Variants in NR4A2 observed in about 807,000 individuals in gnomAD.
NR4A2 encodes nuclear receptor subfamily 4 group A member 2, also known as NGFI-B/nur77 beta-type transcription factor homolog.
Under a neutral mutation model 50.5 loss-of-function variants are expected in NR4A2, and 1 was observed. The observed-to-expected ratio is 0.02, with a 90% CI of 0.01 to 0.09. NR4A2 has a LOEUF of 0.09. NR4A2 is among the 10% of genes least tolerant of loss of function. The probability of loss-of-function intolerance (pLI) is 1.00; values close to 1 mark genes in which losing one functional copy is unlikely to be tolerated. For synonymous variants in NR4A2, 328 were observed against 309.4 expected (o/e 1.06, Z -0.63); for missense variants, 613 against 777.3 (o/e 0.79, Z 2.51).
rs759838205 is a variant in NR4A2, at chr2:156,326,859, T to C, written c.1220A>G (p.Tyr407Cys). The change falls in exon 6 of 8, where the codon TAT becomes TGT. Residue 407 changes from tyrosine (Y) to cysteine (C), a missense_variant. Physicochemically the swap from Tyr to Cys is radical, Grantham distance 194. This residue lies in a region of NR4A2 where 250 missense variants were observed against 311.3 expected (regional missense o/e 0.80). Coordinates refer to ENST00000339562, the MANE Select transcript of NR4A2 (RefSeq NM_006186.4). The surrounding 1 kb of genome is among the most constrained non-coding windows in gnomAD (Gnocchi z 4.2). ...CTCCATGGAGCCAGTCAGGAGATCA[T>C]AGAATTGCTGGATATGCTGGGTGTC... ...GDDTQHIQQF[Y>C]DLLTGSMEII... 2 of 1,614,262 alleles carry C rather than the reference T, an allele frequency of 1.2e-6. No individual in the cohort carries two copies. Among genetic ancestry groups the C allele is most frequent in the Non-Finnish European group, 8.5e-7 (1 of 1,180,050 alleles).
Position 156,329,362 on chromosome 2 carries a change from G to A in NR4A2, c.825C>T (p.Tyr275=). ...VCGDNAACQH[Y]GVRTCEGCKG... is the part of the protein sequence containing the mutation. ...TGCAGCCCTCACAGGTGCGCACGCC[G>A]TAGTGTTGGCAGGCCGCGTTGTCCC... is the stretch of plus-strand genomic sequence containing the variant. Residue 275 remains tyrosine (Y), a synonymous_variant, in exon 3 of 8, where the codon TAC becomes TAT. Coordinates refer to ENST00000339562, the MANE Select transcript of NR4A2 (RefSeq NM_006186.4). This position sits in a 1 kb window ranked among gnomAD's most constrained non-coding sequence, Gnocchi z 7.5. 5 of 1,612,570 alleles carry A rather than the reference G, an allele frequency of 3.1e-6. No individual in the cohort carries two copies. The highest frequency in any genetic ancestry group is 1.7e-4 in the Middle Eastern group (1 of 6,058).
chr2:156,328,253 G>T lies in NR4A2; in HGVS notation c.994+151C>A. The stretch of plus-strand genomic sequence containing the variant: ...GGCCTGGCGGCTTTCTCTAGGGAAG[G>T]CCGGGCAAGCAGGCAGCTGCAGGGT... On this transcript the variant is annotated intron_variant, in intron 4 of 7. Coordinates refer to ENST00000339562, the MANE Select transcript of NR4A2 (RefSeq NM_006186.4). This position sits in a 1 kb window ranked among gnomAD's most constrained non-coding sequence, Gnocchi z 4.9. The T allele has an allele frequency of 1.5e-6, 2 of 1,348,626 alleles. No homozygotes were observed. Among genetic ancestry groups the T allele is most frequent in the Non-Finnish European group, 1.0e-6 (1 of 952,722 alleles). The allele number at this position is 1,348,626 out of a possible 1,614,324, so 83.5% of individuals were successfully genotyped here. A position where few individuals can be genotyped will look rare whatever the true frequency, so the allele number is the denominator to read the frequency against.
At chr2:156,327,779 T>G in intron 5 of NR4A2, 72 bp downstream of exon 5, 1 of 1,528,040 alleles carries the variant, frequency 6.5e-7, no homozygotes, top group Non-Finnish European at 8.9e-7. Flanking sequence ...TGAGAGTTAA[T>G]GACGGATGTG....
Position 156,328,321 on chromosome 2 carries a change from G to C in NR4A2, c.994+83C>G. On this transcript the variant is annotated intron_variant, in intron 4 of 7. Coordinates refer to ENST00000339562, the MANE Select transcript of NR4A2 (RefSeq NM_006186.4). This position sits in a 1 kb window ranked among gnomAD's most constrained non-coding sequence, Gnocchi z 4.9. ...GGGGGAGTCGGAGATCCCCAGCACCGGGAAGTGGAACGTGATGCTGGAGTA... is the reference window on the plus strand; with the variant it reads ...GGGGGAGTCGGAGATCCCCAGCACCCGGAAGTGGAACGTGATGCTGGAGTA... 1 of 1,599,620 alleles carries C rather than the reference G, an allele frequency of 6.3e-7. No homozygotes were observed. The highest frequency in any genetic ancestry group is 8.6e-7 in the Non-Finnish European group (1 of 1,168,086).
rs543804959 is a variant in NR4A2, at chr2:156,325,587, T to C, written c.*157A>G. On this transcript the variant is annotated 3_prime_UTR_variant, in exon 8 of 8. Coordinates refer to ENST00000339562, the MANE Select transcript of NR4A2 (RefSeq NM_006186.4). Reference sequence around the variant, plus strand: ...TAGCAACAGTTTTTGTTTGTTTGTTTGTTTTCTTTAGGGATCAAGGGGGCT... The same window carrying C: ...TAGCAACAGTTTTTGTTTGTTTGTTCGTTTTCTTTAGGGATCAAGGGGGCT... 10 of 992,734 alleles carry C rather than the reference T, an allele frequency of 1.0e-5. No homozygotes were observed. The South Asian group carries it at 1.4e-4, about 14-fold the overall frequency. The allele number at this position is 992,734 out of a possible 1,614,324, so 61.5% of individuals were successfully genotyped here. A position where few individuals can be genotyped will look rare whatever the true frequency, so the allele number is the denominator to read the frequency against.
Position 156,325,890 on chromosome 2 carries a change from A to C in NR4A2, c.1651T>G (p.Tyr551Asp). The C allele has an allele frequency of 6.2e-7, 1 of 1,614,226 alleles. No homozygotes were observed. Among genetic ancestry groups the C allele is most frequent in the Non-Finnish European group, 8.5e-7 (1 of 1,180,040 alleles). Residue 551 changes from tyrosine (Y) to aspartate (D), a missense_variant, in exon 8 of 8, where the codon TAT becomes GAT. Transcript: ENST00000339562. ...FNNGGLNRPN[Y>D]LSKLLGKLPE... ...AGCTTCCCCAACAGTTTGGACAAAT[A>C]ATTGGGGCGGTTCAACCCCCCATTG...
Position 156,326,162 on chromosome 2 carries a change from C to T in NR4A2, c.1528G>A (p.Ala510Thr), listed in dbSNP as rs1371554953. Residue 510 changes from alanine (A) to threonine (T), a missense_variant, in exon 7 of 8, where the codon GCT becomes ACT. This residue lies in a region of NR4A2 where 250 missense variants were observed against 311.3 expected (regional missense o/e 0.80). Coordinates refer to ENST00000339562, the MANE Select transcript of NR4A2 (RefSeq NM_006186.4). This position sits in a 1 kb window ranked among gnomAD's most constrained non-coding sequence, Gnocchi z 4.2. Reference protein sequence around the residue: ...ISAFSCIAALAMVTERHGLKE... With the variant: ...ISAFSCIAALTMVTERHGLKE... ...CTGCAGTACTGACCTGTGACCATAGCCAGGGCAGCAATGCAGGAGAAGGCA... is the reference window on the plus strand; with the variant it reads ...CTGCAGTACTGACCTGTGACCATAGTCAGGGCAGCAATGCAGGAGAAGGCA... 1.2e-6 allele frequency: 2 copies of T among 1,614,216 alleles called. No homozygotes were observed. Among genetic ancestry groups the T allele is most frequent in the South Asian group, 2.2e-5 (2 of 91,074 alleles).
At chr2:156,327,046 A>G (rs915184597) in intron 5 of NR4A2, 126 bp from the exon 6 acceptor site, 1 of 851,272 alleles carries the variant, frequency 1.2e-6, no homozygotes, top group Non-Finnish European at 1.9e-6. Flanking sequence ...CTGACCAGTA[A>G]GGAAATTAGA....
intron 1 of NR4A2, chr2:156,331,749 C>T (rs1393677181): frequency 6.6e-6 from 1 of 152,172 alleles, no homozygotes; most frequent in South Asian, 2.1e-4. Context: ...CACAATCTTG[C>T]TTCATAGTGG....
At chr2:156,331,065 T>C (rs2105619193) in intron 1 of NR4A2, among the ~76,000 whole-genome samples, 1 of 152,364 alleles carries the variant, frequency 6.6e-6, no homozygotes, top group African/African-American at 2.4e-5. Flanking sequence ...ACATTTATGA[T>C]GTAATGAACT....
Position 156,328,308 on chromosome 2 carries a change from G to A in NR4A2, c.994+96C>T, listed in dbSNP as rs1686749713. The A allele has an allele frequency of 6.3e-7, 1 of 1,582,638 alleles. No individual in the cohort carries two copies. Among genetic ancestry groups the A allele is most frequent in the Non-Finnish European group, 8.7e-7 (1 of 1,152,960 alleles). ...GAGGCCATACTGAGGGGGAGTCGGA[G>A]ATCCCCAGCACCGGGAAGTGGAACG... is the stretch of plus-strand genomic sequence containing the variant. On this transcript the variant is annotated intron_variant, in intron 4 of 7. Coordinates refer to ENST00000339562, the MANE Select transcript of NR4A2 (RefSeq NM_006186.4). This position sits in a 1 kb window ranked among gnomAD's most constrained non-coding sequence, Gnocchi z 4.9.
chr2:156,330,046 G>C lies in NR4A2; in HGVS notation c.141C>G (p.Thr47=), dbSNP rs1686854529. 1 of 1,614,070 alleles carries C rather than the reference G, an allele frequency of 6.2e-7. No individual in the cohort carries two copies. Among genetic ancestry groups the C allele is most frequent in the South Asian group, 1.1e-5 (1 of 91,088 alleles). The part of the protein sequence containing the change: ...PEFVKFSMDL[T]NTEITATTSL... ...AAGTGGTGGCAGTGATTTCAGTGTTGGTGAGGTCCATGCTAAACTTGACAA... is the reference window on the plus strand; with the variant it reads ...AAGTGGTGGCAGTGATTTCAGTGTTCGTGAGGTCCATGCTAAACTTGACAA... The change falls in exon 3 of 8, where the codon ACC becomes ACG. Residue 47 remains threonine, a synonymous_variant. Coordinates refer to ENST00000339562, the MANE Select transcript of NR4A2 (RefSeq NM_006186.4).
rs1266142245 is a variant in NR4A2 at position 156,325,303 on chromosome 2, G to A, written c.*441C>T. On this transcript the variant is annotated 3_prime_UTR_variant, in exon 8 of 8. Transcript: ENST00000339562. ...AGTCTTGTTAAAGGGCAATACTTGT[G>A]GGTCCCCTTAAGATGTGTCTCTGTG... 1 of 192,614 alleles carries A rather than the reference G, an allele frequency of 5.2e-6. No homozygotes were observed. The highest frequency in any genetic ancestry group is 2.4e-5 in the African/African-American group (1 of 42,186). 11.9% of individuals were successfully genotyped at this position (192,614 alleles called of 1,614,324 possible).
rs770936103 is a variant in NR4A2, at chr2:156,325,584, G to A, written c.*160C>T. 2.0e-4 allele frequency: 191 copies of A among 971,566 alleles called. No individual in the cohort carries two copies. The highest frequency in any genetic ancestry group is 1.0e-3 in the Admixed American group (49 of 48,160). 60.2% of individuals were successfully genotyped at this position (971,566 alleles called of 1,614,324 possible). On this transcript the variant is annotated 3_prime_UTR_variant, in exon 8 of 8. Coordinates refer to ENST00000339562, the MANE Select transcript of NR4A2 (RefSeq NM_006186.4). ...AAATAGCAACAGTTTTTGTTTGTTT[G>A]TTTGTTTTCTTTAGGGATCAAGGGG...
chr2:156,327,566 AGAG>A (rs1371710348), intron 5 of NR4A2, among the ~76,000 whole-genome samples: 13 of 151,824 alleles, frequency 8.6e-5, no homozygotes, highest in African/African-American at 1.2e-4. Flanking sequence ...TGTATATGGA[AGAG>A]GAGGGGCGAT....
rs759045565 is a variant in NR4A2 at position 156,328,213 on chromosome 2, G to A, written c.994+191C>T. ...TGTCTTCCTCCAAATGGGTCGTATA[G>A]TTAAAGGAGAGAAGGGCCTGGCGGC... On this transcript the variant is annotated intron_variant, in intron 4 of 7. Transcript: ENST00000339562. This position sits in a 1 kb window ranked among gnomAD's most constrained non-coding sequence, Gnocchi z 4.9. Among the ~76,000 whole-genome samples the A allele has an allele frequency of 1.5e-4, 23 of 152,234 alleles. No individual in the cohort carries two copies. Among genetic ancestry groups the A allele is most frequent in the Non-Finnish European group, 3.1e-4 (21 of 68,046 alleles).
chr2:156,328,471 C>T lies in NR4A2; in HGVS notation c.927G>A (p.Lys309=). ...AGTACTGACAGCGATTCCGGCGACG[C>T]TTGTCCACTGGGCAGTTTTTATTTG... ...CLANKNCPVD[K]RRRNRCQYCR... The change falls in exon 4 of 8, where the codon AAG becomes AAA. Residue 309 remains lysine (K), a synonymous_variant. Transcript: ENST00000339562. This position sits in a 1 kb window ranked among gnomAD's most constrained non-coding sequence, Gnocchi z 4.9. The T allele has an allele frequency of 6.2e-7, 1 of 1,614,234 alleles. No individual in the cohort carries two copies. The highest frequency in any genetic ancestry group is 8.5e-7 in the Non-Finnish European group (1 of 1,180,044).
intron 1 of NR4A2, among the ~76,000 whole-genome samples, chr2:156,331,511 A>G (rs900484895): frequency 2.6e-5 from 4 of 152,214 alleles, no homozygotes; most frequent in Non-Finnish European, 5.9e-5. Flanking sequence ...GAGGGGGGAC[A>G]TACTGCTTAT....
In NR4A2 at chr2:156,325,511, G is replaced by T. The variant is rs927784427; in HGVS notation, c.*233C>A. The T allele has an allele frequency of 3.5e-6, 2 of 575,084 alleles. No homozygotes were observed. The highest frequency in any genetic ancestry group is 3.7e-5 in the African/African-American group (2 of 53,446). 35.6% of individuals were successfully genotyped at this position (575,084 alleles called of 1,614,324 possible). A position where few individuals can be genotyped will look rare whatever the true frequency, so the allele number is the denominator to read the frequency against. ...TGTGTAGTCCATGTTCTAAATCCAG[G>T]ATGCCCCGGAGCCAAAATGCCCTTT... On this transcript the variant is annotated 3_prime_UTR_variant, in exon 8 of 8. Transcript: ENST00000339562.
Sources: allele counts gnomAD v4.1 joint callset (sites outside exome capture counted in the v4.1 genomes callset), GRCh38; gene constraint gnomAD v4.1.1; regional missense constraint gnomAD v4.1.1; non-coding constraint Gnocchi (gnomAD v3.1); transcripts MANE v1.5; gene names NCBI Gene and HGNC (gene_info 2026-07-23, HGNC 2026-07-21).